Variants in CCDC91 observed in about 807,000 individuals in gnomAD.
CCDC91 encodes the protein coiled-coil domain containing 91.
In CCDC91, 48 loss-of-function variants were observed where a neutral mutation model predicts 63.2. The observed-to-expected ratio is 0.76, with a 90% confidence interval of 0.60 to 0.97. The LOEUF (loss-of-function observed/expected upper bound fraction) is 0.97, where lower values mean the gene tolerates loss of function less well. Ranked by LOEUF, CCDC91 falls within the 50% of genes least tolerant of loss-of-function variation. CCDC91 has a pLI of 0.00. For missense variants in CCDC91, 500 were observed against 494.6 expected, an observed-to-expected ratio of 1.01 and a Z score of -0.10; for synonymous variants, 167 against 165.8, an observed-to-expected ratio of 1.01 and a Z score of -0.06.
intron 1 of CCDC91, among the ~76,000 whole-genome samples, chr12:28,208,046 A>G (rs1942976748): frequency 1.3e-5 from 2 of 152,212 alleles, no homozygotes; most frequent in Admixed American, 1.3e-4. Flanking sequence ...TAGCAGTTTT[A>G]TAACCCAGTC....
chr12:28,299,794 A>G (rs1190435464), intron 3 of CCDC91, among the ~76,000 whole-genome samples: 1 of 151,566 alleles, frequency 6.6e-6, no homozygotes, highest in Non-Finnish European at 1.5e-5. Flanking sequence ...TCATTTTGGT[A>G]AATCGTTCAC....
intron 8 of CCDC91, among the ~76,000 whole-genome samples, chr12:28,409,837 C>A (rs115233211): frequency 6.6e-6 from 1 of 151,768 alleles, no homozygotes; most frequent in Non-Finnish European, 1.5e-5. Context: ...CTAAATATGT[C>A]GGTGTTTTTC....
At chr12:28,283,006 A>G (rs1292442516) in intron 3 of CCDC91, among the ~76,000 whole-genome samples, 2 of 152,046 alleles carry the variant, frequency 1.3e-5, no homozygotes, top group Admixed American at 6.6e-5. Flanking sequence ...TTTGTTAAAG[A>G]TCAGTTGGTT....
chr12:28,328,840 ATCTT>A (rs1411108692), intron 6 of CCDC91, among the ~76,000 whole-genome samples: 1 of 152,118 alleles, frequency 6.6e-6, no homozygotes, highest in Non-Finnish European at 1.5e-5. Flanking sequence ...ACTGAACATA[ATCTT>A]TCTTTTTAGG....
intron 1 of CCDC91, among the ~76,000 whole-genome samples, chr12:28,207,863 C>G (rs1351687321): frequency 6.6e-6 from 1 of 152,158 alleles, no homozygotes; most frequent in Non-Finnish European, 1.5e-5. Flanking sequence ...GGACTTGATT[C>G]TCCAAATTAG....
rs747142231 is a variant in CCDC91 at position 28,362,498 on chromosome 12, A to G, written c.637A>G (p.Ile213Val). The G allele has an allele frequency of 3.1e-6, 5 of 1,594,344 alleles. No homozygotes were observed. Among genetic ancestry groups the G allele is most frequent in the Non-Finnish European group, 3.4e-6 (4 of 1,169,842 alleles). Reference protein sequence around the residue: ...RKAGHEALSIIVDEYKALLQS... With the variant: ...RKAGHEALSIVVDEYKALLQS... ...AGCTGGTCACGAAGCCCTCAGCATT[A>G]TTGTGGATGAATATAAGGTAGAGGT... The change falls in exon 7 of 13, where the codon ATT becomes GTT. Residue 213 changes from isoleucine (I) to valine (V), a missense_variant. Physicochemically the swap from Ile to Val is conservative, Grantham distance 29. Coordinates refer to ENST00000536442, the MANE Select transcript of CCDC91 (RefSeq NM_018318.5).
intron 12 of CCDC91, among the ~76,000 whole-genome samples, chr12:28,521,959 G>T (rs1940724401): frequency 6.6e-6 from 1 of 152,140 alleles, no homozygotes; most frequent in South Asian, 2.1e-4. Context: ...TTGATGTGCT[G>T]CTGGATTCGG....
intron 1 of CCDC91, among the ~76,000 whole-genome samples, chr12:28,247,460 A>G (rs1208506722): frequency 4.7e-5 from 7 of 147,830 alleles, no homozygotes; most frequent in Middle Eastern, 3.4e-3. Flanking sequence ...AGCCTGGGTG[A>G]GAGACCAAGA....
intron 1 of CCDC91, among the ~76,000 whole-genome samples, chr12:28,241,035 A>T (rs1945298731): frequency 6.6e-6 from 1 of 152,194 alleles, no homozygotes. Context: ...CACTTTCTCC[A>T]CATCCTTGCC....
chr12:28,371,311 C>A (rs942684007), intron 7 of CCDC91, among the ~76,000 whole-genome samples: 3 of 152,040 alleles, frequency 2.0e-5, no homozygotes, highest in African/African-American at 7.2e-5. Context: ...CATGCAAAAC[C>A]TTATGGTGAA....
At chr12:28,293,780 G>A (rs1949389341) in intron 3 of CCDC91, among the ~76,000 whole-genome samples, 1 of 151,646 alleles carries the variant, frequency 6.6e-6, no homozygotes, top group African/African-American at 2.4e-5. Context: ...CCAGGCTGGA[G>A]TACAATGATG....
intron 1 of CCDC91, among the ~76,000 whole-genome samples, chr12:28,231,879 G>A (rs1944623947): frequency 6.6e-6 from 1 of 152,106 alleles, no homozygotes; most frequent in South Asian, 2.1e-4. Context: ...TATCTTCAAT[G>A]GTGATTTTCC....
chr12:28,195,053 G>C lies in CCDC91; in HGVS notation c.-15+4412G>C, dbSNP rs528755894. ...GAAGGGGTTGCTGCTGCTGGCTCGGGTGGCCTGCTTTTATTCCCTTATTTG... is the reference window on the plus strand; with the variant it reads ...GAAGGGGTTGCTGCTGCTGGCTCGGCTGGCCTGCTTTTATTCCCTTATTTG... On this transcript the variant is annotated intron_variant, in intron 1 of 12. Coordinates refer to ENST00000536442, the MANE Select transcript of CCDC91 (RefSeq NM_018318.5). 9.2e-5 allele frequency among the ~76,000 whole-genome samples: 14 copies of C among 152,324 alleles called. No homozygotes were observed. In the South Asian group the frequency reaches 2.7e-3, roughly 29 times the overall value.
chr12:28,228,021 T>C (rs1477293678), intron 1 of CCDC91, among the ~76,000 whole-genome samples: 1 of 152,056 alleles, frequency 6.6e-6, no homozygotes, highest in African/African-American at 2.4e-5. Context: ...AAGACAGTTA[T>C]TTTTATTGTT....
chr12:28,368,879 G>A lies in CCDC91; in HGVS notation c.654+6364G>A, dbSNP rs140313793. ...GATCAGAAGTGCACACTTTTAAACC[G>A]TCAGATCTTATGAGGACTCACTGAC... On this transcript the variant is annotated intron_variant, in intron 7 of 12. Transcript: ENST00000536442. Among the ~76,000 whole-genome samples, 547 of 151,920 alleles carry A rather than the reference G, an allele frequency of 3.6e-3. 6 individuals carry two copies. Among genetic ancestry groups the A allele is most frequent in the African/African-American group, 0.012 (510 of 41,394 alleles).
At chr12:28,445,300 A>G (rs1949440247) in intron 8 of CCDC91, among the ~76,000 whole-genome samples, 1 of 152,108 alleles carries the variant, frequency 6.6e-6, no homozygotes, top group South Asian at 2.1e-4. Flanking sequence ...AATCTATCCT[A>G]CCTCTTAGTC....
intron 3 of CCDC91, among the ~76,000 whole-genome samples, chr12:28,269,905 G>A (rs1164715660): frequency 2.0e-5 from 3 of 151,764 alleles, no homozygotes; most frequent in Non-Finnish European, 4.4e-5. Flanking sequence ...CCTAATCAAA[G>A]TTTTTTTTAG....
rs754826662 is a variant in CCDC91, at chr12:28,485,646, AC to A, written c.1215+1482del. On this transcript the variant is annotated intron_variant, in intron 12 of 12. Transcript: ENST00000536442. ...ATTTTATATTGGATTAAATCTTTGT[AC>A]AGTTTACCTCAGAGTGTTTTTAAAA... Among the ~76,000 whole-genome samples, 9 of 152,174 alleles carry A rather than the reference AC, an allele frequency of 5.9e-5. 1 individual carries two copies. The South Asian group carries it at 6.2e-4, about 10-fold the overall frequency.
At chr12:28,291,735 T>C (rs750932093) in intron 3 of CCDC91, among the ~76,000 whole-genome samples, 5 of 152,210 alleles carry the variant, frequency 3.3e-5, no homozygotes, top group Non-Finnish European at 5.9e-5. Context: ...TTCAAAATGA[T>C]GATTTTTTTG....
Sources: gnomAD v4.1 joint callset for allele counts (sites outside exome capture counted in the v4.1 genomes callset) on GRCh38, gnomAD v4.1.1 for gene constraint, MANE v1.5 for transcripts, NCBI Gene and HGNC (gene_info 2026-07-23, HGNC 2026-07-21) for gene names.